The following HOOK1 variants were observed in gnomAD, a reference collection of about 807,000 sequenced individuals.
The protein encoded by HOOK1 is hook microtubule tethering protein 1.
In HOOK1, 60 loss-of-function variants were observed where a neutral mutation model predicts 112.8. That is an observed-to-expected ratio of 0.53 (90% CI 0.43 to 0.66). HOOK1 has a LOEUF of 0.66. HOOK1 is among the 30% of genes least tolerant of loss of function. The pLI is 0.00. For missense variants in HOOK1, 770 were observed against 856.0 expected (o/e 0.90, Z 1.25); for synonymous variants, 294 against 283.8 (o/e 1.04, Z -0.36).
chr1:59,858,935 T>A (rs745709167), intron 13 of HOOK1, 50 bp from the exon 14 acceptor site: 11 of 1,154,238 alleles, frequency 9.5e-6, no homozygotes, highest in East Asian at 7.5e-5. Context: ...GAGGGTTTTT[T>A]AAAATAGTTG....
chr1:59,830,503 G>A (rs183967474), intron 3 of HOOK1, among the ~76,000 whole-genome samples: 240 of 151,962 alleles, frequency 1.6e-3, no homozygotes, highest in African/African-American at 5.5e-3. Context: ...TATTAATGTA[G>A]CCACTACAGA....
chr1:59,817,175 CAG>C (rs1234558812), intron 1 of HOOK1, among the ~76,000 whole-genome samples: 1 of 152,208 alleles, frequency 6.6e-6, no homozygotes, highest in Non-Finnish European at 1.5e-5. Context: ...CCTTTTTTAA[CAG>C]AGAACAAAGA....
intron 7 of HOOK1, among the ~76,000 whole-genome samples, chr1:59,837,453 C>G (rs2098398486): frequency 6.6e-6 from 1 of 152,106 alleles, no homozygotes; most frequent in South Asian, 2.1e-4. Flanking sequence ...TATTTTTAAA[C>G]ACTTCTTCTT....
intron 8 of HOOK1, among the ~76,000 whole-genome samples, chr1:59,841,026 G>A (rs1399012872): frequency 6.6e-6 from 1 of 152,066 alleles, no homozygotes; most frequent in Non-Finnish European, 1.5e-5. Context: ...CTGTACTTCA[G>A]TTTTCTCTTT....
intron 20 of HOOK1, among the ~76,000 whole-genome samples, chr1:59,869,051 T>C (rs568050706): frequency 6.6e-6 from 1 of 152,352 alleles, no homozygotes; most frequent in East Asian, 1.9e-4. Flanking sequence ...TTTACAAAGC[T>C]ACTGTATTTA....
intron 9 of HOOK1, among the ~76,000 whole-genome samples, chr1:59,844,932 T>C (rs1474597668): frequency 1.3e-5 from 2 of 152,016 alleles, no homozygotes; most frequent in Admixed American, 6.6e-5. Flanking sequence ...CTTAAATATA[T>C]TGAAACTTTT....
In HOOK1 at chr1:59,833,414, C is replaced by T. The variant is rs767710740; in HGVS notation, c.283C>T (p.Gln95Ter). 2.0e-6 allele frequency: 3 copies of T among 1,516,130 alleles called. No homozygotes were observed. The highest frequency in any genetic ancestry group is 1.4e-5 in the South Asian group (1 of 73,952). The allele number at this position is 1,516,130 out of a possible 1,614,324, so 93.9% of individuals were successfully genotyped here. A position where few individuals can be genotyped will look rare whatever the true frequency, so the allele number is the denominator to read the frequency against. The change falls in exon 5 of 22, where the codon CAG (glutamine) becomes TAG (stop). Residue 95 changes from glutamine (Q) to a stop codon, truncating the protein, a stop_gained. Transcript: ENST00000371208. LOFTEE classifies it high-confidence loss of function. ...TATTTTAATATTGTAGTTTTTGGGG[C>T]AGCAGATTTCAGAAGCACTTATCCC... ...IMSYYHEFLG[Q>*]QISEALIPDL...
intron 21 of HOOK1, among the ~76,000 whole-genome samples, chr1:59,871,891 T>G (rs1037891043): frequency 2.6e-5 from 4 of 152,206 alleles, no homozygotes; most frequent in Non-Finnish European, 5.9e-5. Context: ...CTTTCCTTTC[T>G]TCTGTTGGGT....
At chr1:59,821,113 T>G (rs755517580) in intron 1 of HOOK1, among the ~76,000 whole-genome samples, 7 of 152,234 alleles carry the variant, frequency 4.6e-5, no homozygotes, top group Non-Finnish European at 7.3e-5. Context: ...TATATTTAAC[T>G]TAAGGTGTTT....
At chr1:59,864,946 T>TCCTAAGAAAG in intron 17 of HOOK1, 1 of 567,868 alleles carries the variant, frequency 1.8e-6, no homozygotes, top group Non-Finnish European at 3.2e-6. Context: ...ATAAAATATT[T>TCCTAAGAAAG]TACTTTCTTA....
intron 19 of HOOK1, among the ~76,000 whole-genome samples, chr1:59,868,016 T>A (rs1421550843): frequency 2.0e-5 from 3 of 152,178 alleles, no homozygotes; most frequent in Non-Finnish European, 4.4e-5. Context: ...AAGGGAAATT[T>A]GTTTTTGGAA....
chr1:59,857,608 T>C (rs747940542), intron 12 of HOOK1, among the ~76,000 whole-genome samples: 2 of 152,216 alleles, frequency 1.3e-5, no homozygotes, highest in African/African-American at 2.4e-5. Flanking sequence ...ACGGACCCCT[T>C]GAATCAGTTA....
rs779428496 is a variant in HOOK1, at chr1:59,848,427, A to G, written c.1042A>G (p.Met348Val). Reference protein sequence around the residue: ...KQVKTLQETNMMYMHNTVSLE... With the variant: ...KQVKTLQETNVMYMHNTVSLE... ...GGTGAAAACTTTACAGGAAACCAAC[A>G]TGATGTATATGCATAATACAGTCAG... is the stretch of plus-strand genomic sequence containing the variant. Residue 348 changes from methionine to valine, a missense_variant, in exon 11 of 22, where the codon ATG becomes GTG. Met to Val is a conservative substitution (Grantham distance 21, BLOSUM62 1). Around this residue, in one of 3 missense-constraint regions of HOOK1, gnomAD observed 655 missense variants for 725.9 expected, o/e 0.90. Coordinates refer to ENST00000371208, the MANE Select transcript of HOOK1 (RefSeq NM_015888.6). 14 of 1,610,508 alleles carry G rather than the reference A, an allele frequency of 8.7e-6. 1 individual carries two copies. The highest frequency in any genetic ancestry group is 3.3e-5 in the Admixed American group (2 of 59,810).
At position 59,815,128 on chromosome 1, in the gene HOOK1, C is replaced by T; in HGVS notation, c.11C>T (p.Thr4Met). 1 of 1,541,714 alleles carries T rather than the reference C, an allele frequency of 6.5e-7. No homozygotes were observed. ...ACGGCGGCGCCGGCCATGGAGGAGA[C>T]GCAGCCGCCGCCGCAGCCTAAGCTG... MEETQPPPQPKLPL... is the reference protein window; with the variant it reads MEEMQPPPQPKLPL... The change falls in exon 1 of 22, where the codon ACG becomes ATG. Residue 4 changes from threonine (T) to methionine (M), a missense_variant. Physicochemically the swap from Thr to Met is moderately conservative, Grantham distance 81 (BLOSUM62 -1). Around this residue, in one of 3 missense-constraint regions of HOOK1, gnomAD observed 655 missense variants for 725.9 expected, o/e 0.90. Coordinates refer to ENST00000371208, the MANE Select transcript of HOOK1 (RefSeq NM_015888.6).
chr1:59,834,975 T>C (rs1416756728), intron 5 of HOOK1, among the ~76,000 whole-genome samples: 1 of 152,074 alleles, frequency 6.6e-6, no homozygotes, highest in African/African-American at 2.4e-5. Flanking sequence ...TTTAATATTA[T>C]ATGTAATATT....
rs573144468 is a variant in HOOK1, at chr1:59,815,783, G to A, written c.63+603G>A. The stretch of plus-strand genomic sequence containing the variant: ...TGGAGAAAAAGATGTGTTGGGAGTC[G>A]GGGGTCGTTTTCCCTTTTTCTCGCT... On this transcript the variant is annotated intron_variant, in intron 1 of 21. Coordinates refer to ENST00000371208, the MANE Select transcript of HOOK1 (RefSeq NM_015888.6). Among the ~76,000 whole-genome samples the A allele has an allele frequency of 3.3e-5, 5 of 152,074 alleles. No homozygotes were observed. In the East Asian group the frequency reaches 5.8e-4, roughly 18 times the overall value.
intron 2 of HOOK1, among the ~76,000 whole-genome samples, chr1:59,823,219 C>G (rs2098387074): frequency 6.6e-6 from 1 of 152,176 alleles, no homozygotes; most frequent in African/African-American, 2.4e-5. Flanking sequence ...ACTCGGGAGG[C>G]TGAGGCAGGA....
intron 1 of HOOK1, among the ~76,000 whole-genome samples, chr1:59,818,440 A>T (rs1469689872): frequency 6.6e-6 from 1 of 152,236 alleles, no homozygotes; most frequent in Non-Finnish European, 1.5e-5. Context: ...TCTTAAAATA[A>T]TTGGCTCTTA....
rs1035380960 is a variant in HOOK1, at chr1:59,875,261, C to T, written c.*2296C>T. The T allele has an allele frequency of 6.6e-6, 1 of 152,446 alleles. No individual in the cohort carries two copies. The highest frequency in any genetic ancestry group is 1.5e-5 in the Non-Finnish European group (1 of 67,980). 9.4% of individuals were successfully genotyped at this position (152,446 alleles called of 1,614,324 possible). A position where few individuals can be genotyped will look rare whatever the true frequency, so the allele number is the denominator to read the frequency against. Reference sequence around the variant, plus strand: ...TTGGAACTTCTAAATCATGCAATTTCTGAATAAGGACATAAGGCTAGATTC... The same window carrying T: ...TTGGAACTTCTAAATCATGCAATTTTTGAATAAGGACATAAGGCTAGATTC... On this transcript the variant is annotated 3_prime_UTR_variant, in exon 22 of 22. Transcript: ENST00000371208.
Sources: gnomAD v4.1 joint callset for allele counts (sites outside exome capture counted in the v4.1 genomes callset) on GRCh38, gnomAD v4.1.1 for gene constraint, gnomAD v4.1.1 regional missense constraint, MANE v1.5 for transcripts, NCBI Gene and HGNC (gene_info 2026-07-23, HGNC 2026-07-21) for gene names.